The following DNASE2 variants were observed in gnomAD, a reference collection of about 807,000 sequenced individuals.
DNASE2 encodes deoxyribonuclease 2, lysosomal, also known as deoxyribonuclease-2-alpha.
In DNASE2, 26 loss-of-function variants were observed where a neutral mutation model predicts 29.8. The observed-to-expected ratio is 0.87, with a 90% CI of 0.64 to 1.21. The LOEUF is 1.21. DNASE2 is among the 50% of genes most tolerant of loss of function. The pLI is 0.00. For missense variants in DNASE2, 415 were observed against 455.6 expected (o/e 0.91, Z 0.81); for synonymous variants, 186 against 193.5 (o/e 0.96, Z 0.32).
Position 12,881,027 on chromosome 19 carries a change from G to C in DNASE2, c.212C>G (p.Pro71Arg). 1 of 1,613,800 alleles carries C rather than the reference G, an allele frequency of 6.2e-7. No individual in the cohort carries two copies. Among genetic ancestry groups the C allele is most frequent in the Non-Finnish European group, 8.5e-7 (1 of 1,180,002 alleles). The change falls in exon 2 of 6, where the codon CCG becomes CGG. Residue 71 changes from proline to arginine, a missense_variant. Pro to Arg is a moderately radical substitution (Grantham distance 103, BLOSUM62 -2). Coordinates refer to ENST00000222219, the MANE Select transcript of DNASE2 (RefSeq NM_001375.3). ...CAGGCTTCGGCCCACGGCCCCCTCC[G>C]GGCTGTTGATGAGTGCCCTGCCGTC... ...WRDGRALINS[P>R]EGAVGRSLQP...
In DNASE2 at chr19:12,878,653, TC is replaced by T; in HGVS notation, c.511+16del. 6.2e-7 allele frequency: 1 copy of T among 1,613,976 alleles called. No individual in the cohort carries two copies. The highest frequency in any genetic ancestry group is 8.5e-7 in the Non-Finnish European group (1 of 1,179,966). On this transcript the variant is annotated intron_variant, in intron 4 of 5. Transcript: ENST00000222219. ...CAGTAAACCCAGGACTCATCCTGTG[TC>T]CCTGACTCGACTTACCCATCTTCGA... is the stretch of plus-strand genomic sequence containing the variant.
At chr19:12,877,019 C>T (rs920764588) in intron 5 of DNASE2, among the ~76,000 whole-genome samples, 1 of 151,970 alleles carries the variant, frequency 6.6e-6, no homozygotes, top group Non-Finnish European at 1.5e-5. Flanking sequence ...GATGGGGTTC[C>T]ACCATGTTGG....
rs1168262254 is a variant in DNASE2 at position 12,878,717 on chromosome 19, T to G, written c.464A>C (p.Gln155Pro). The G allele has an allele frequency of 6.2e-7, 1 of 1,614,148 alleles. No individual in the cohort carries two copies. The highest frequency in any genetic ancestry group is 8.5e-7 in the Non-Finnish European group (1 of 1,180,024). ...SWPHSACTYG[Q>P]TLLCVSFPFA... ...GGGAAAAGACACACAGAGCAGGGTC[T>G]GCCCGTAGGTACAGGCGCTATGAGG... Residue 155 changes from glutamine to proline, a missense_variant, in exon 4 of 6, where the codon CAG (glutamine) becomes CCG (proline). Physicochemically the swap from Gln to Pro is moderately conservative, Grantham distance 76. Coordinates refer to ENST00000222219, the MANE Select transcript of DNASE2 (RefSeq NM_001375.3).
chr19:12,881,228 TC>T (rs1298387142), intron 1 of DNASE2, 61 bp downstream of exon 1: 3 of 1,608,114 alleles, frequency 1.9e-6, no homozygotes, highest in Non-Finnish European at 2.5e-6. Context: ...GAGGTAGCCA[TC>T]CCGGTTGAGT....
At chr19:12,880,756 A>G in intron 3 of DNASE2, 46 bp downstream of exon 3, 1 of 1,612,324 alleles carries the variant, frequency 6.2e-7, no homozygotes, top group South Asian at 1.1e-5. Context: ...GTTACCTTGG[A>G]AAAATGGGAC....
chr19:12,878,040 C>T (rs1422460147), intron 5 of DNASE2: 2 of 361,654 alleles, frequency 5.5e-6, no homozygotes, highest in South Asian at 4.6e-5. Context: ...GTCTTGGATG[C>T]CTGTCTTCAA....
At chr19:12,876,723 A>G (rs984850989) in intron 5 of DNASE2, among the ~76,000 whole-genome samples, 1 of 151,896 alleles carries the variant, frequency 6.6e-6, no homozygotes, top group Non-Finnish European at 1.5e-5. Flanking sequence ...AAATGCTGGG[A>G]CTACAGGTGT....
At position 12,878,755 on chromosome 19, in the gene DNASE2, A is replaced by T; in HGVS notation, c.426T>A (p.Ala142=). 2 of 1,614,132 alleles carry T rather than the reference A, an allele frequency of 1.2e-6. No homozygotes were observed. The highest frequency in any genetic ancestry group is 1.7e-6 in the Non-Finnish European group (2 of 1,180,018). The stretch of plus-strand genomic sequence containing the variant: ...AGGCGCTATGAGGCCAGCTGTATGC[A>T]GCAGAGGAGGCCGGTGGAGGGAAGT... ...VPNFPPPASS[A]AYSWPHSACT... Residue 142 remains alanine (A), a synonymous_variant, in exon 4 of 6, where the codon GCT becomes GCA. Transcript: ENST00000222219.
At chr19:12,877,171 C>G (rs1970330938) in intron 5 of DNASE2, among the ~76,000 whole-genome samples, 1 of 151,234 alleles carries the variant, frequency 6.6e-6, no homozygotes, top group Non-Finnish European at 1.5e-5. Context: ...GTGACCCACC[C>G]GCCTTGGTCT....
intron 3 of DNASE2, among the ~76,000 whole-genome samples, chr19:12,879,221 C>T (rs1040728264): frequency 2.7e-5 from 4 of 150,674 alleles, no homozygotes; most frequent in African/African-American, 4.9e-5. Context: ...GCAGGCCCCA[C>T]GCAGTGTAAT....
At chr19:12,877,510 G>A (rs1355554608) in intron 5 of DNASE2, among the ~76,000 whole-genome samples, 10 of 152,082 alleles carry the variant, frequency 6.6e-5, no homozygotes, top group Non-Finnish European at 1.5e-4. Flanking sequence ...TTACAGGTGT[G>A]AGCCACTGTG....
At chr19:12,879,197 T>C (rs1007924882) in intron 3 of DNASE2, among the ~76,000 whole-genome samples, 61 of 140,918 alleles carry the variant, frequency 4.3e-4, no homozygotes, top group African/African-American at 1.6e-3. Flanking sequence ...TAAATAAAAA[T>C]TTAAAAAAAG....
intron 5 of DNASE2, among the ~76,000 whole-genome samples, chr19:12,877,779 C>T (rs144725312): frequency 0.011 from 1,619 of 151,768 alleles, 7 homozygotes; most frequent in Non-Finnish European, 0.017. Context: ...CTCCTGAGCT[C>T]GTGATCTGCC....
At position 12,875,691 on chromosome 19, in the gene DNASE2, C is replaced by T; in HGVS notation, c.*299G>A. The T allele has an allele frequency of 3.6e-6, 1 of 278,186 alleles. No individual in the cohort carries two copies. The highest frequency in any genetic ancestry group is 3.3e-5 in the South Asian group (1 of 30,228). 17.2% of individuals were successfully genotyped at this position (278,186 alleles called of 1,614,324 possible). On this transcript the variant is annotated 3_prime_UTR_variant, in exon 6 of 6. Coordinates refer to ENST00000222219, the MANE Select transcript of DNASE2 (RefSeq NM_001375.3). Reference sequence around the variant, plus strand: ...TTACAGATGTGAGCCACTGCACCCACCCGTCCCCCGCCCCCCCTTTTTTTT... The same window carrying T: ...TTACAGATGTGAGCCACTGCACCCATCCGTCCCCCGCCCCCCCTTTTTTTT...
In DNASE2 at chr19:12,880,849, G is replaced by T. The variant is rs1265497136; in HGVS notation, c.299C>A (p.Pro100His). 3.1e-6 allele frequency: 5 copies of T among 1,614,086 alleles called. No homozygotes were observed. The highest frequency in any genetic ancestry group is 4.2e-6 in the Non-Finnish European group (5 of 1,180,046). ...LAFLLYNDQP[P>H]QPSKAQDSSM... is the part of the protein sequence containing the mutation. Reference sequence around the variant, plus strand: ...AGAGTCCTGAGCCTTGCTGGGTTGAGGCGGTTGGTCATTGTAGAGCAGGAA... The same window carrying T: ...AGAGTCCTGAGCCTTGCTGGGTTGATGCGGTTGGTCATTGTAGAGCAGGAA... The change falls in exon 3 of 6, where the codon CCT becomes CAT. Residue 100 changes from proline (P) to histidine (H), a missense_variant. Pro to His is a moderately conservative substitution (Grantham distance 77). Coordinates refer to ENST00000222219, the MANE Select transcript of DNASE2 (RefSeq NM_001375.3).
rs565891293 is a variant in DNASE2, at chr19:12,878,427, C to T, written c.664G>A (p.Gly222Arg). Reference protein sequence around the residue: ...NSSITLTSQAGAVFQSFAKFS... With the variant: ...NSSITLTSQARAVFQSFAKFS... ...TTGGCAAAGCTCTGGAAAACAGCCC[C>T]GGCCTGGGATGTGAGTGTGATGCTG... The change falls in exon 5 of 6, where the codon GGG becomes AGG. Residue 222 changes from glycine (G) to arginine (R), a missense_variant. Coordinates refer to ENST00000222219, the MANE Select transcript of DNASE2 (RefSeq NM_001375.3). 1.2e-4 allele frequency: 196 copies of T among 1,613,418 alleles called. 1 individual carries two copies. In the South Asian group the frequency reaches 1.5e-3, roughly 13 times the overall value.
chr19:12,877,062 C>T (rs1298623140), intron 5 of DNASE2, among the ~76,000 whole-genome samples: 1 of 151,852 alleles, frequency 6.6e-6, no homozygotes, highest in Admixed American at 6.6e-5. Context: ...ACCGTGTAAT[C>T]AGCCAGCGCC....
intron 5 of DNASE2, 161 bp downstream of exon 5, chr19:12,878,221 A>G (rs1466564725): frequency 1.1e-6 from 1 of 873,058 alleles, no homozygotes; most frequent in South Asian, 1.4e-5. Context: ...TATACATCAC[A>G]CAGCAAAACC....
chr19:12,881,295 T>C lies in DNASE2; in HGVS notation c.81A>G (p.Val27=), dbSNP rs1198989393. ...LTCYGDSGQP[V]DWFVVYKLPA... is the part of the protein sequence containing the mutation. ...GCCCCCCGCTGCGCACTCACCAGTCTACAGGCTGCCCGGAGTCCCCGTAGC... is the reference window on the plus strand; with the variant it reads ...GCCCCCCGCTGCGCACTCACCAGTCCACAGGCTGCCCGGAGTCCCCGTAGC... The change falls in exon 1 of 6, where the codon GTA becomes GTG. Residue 27 remains valine (V), a synonymous_variant. Transcript: ENST00000222219. 1.3e-6 allele frequency: 2 copies of C among 1,575,418 alleles called. No homozygotes were observed. Among genetic ancestry groups the C allele is most frequent in the African/African-American group, 1.4e-5 (1 of 73,794 alleles).
Sources: allele counts gnomAD v4.1 joint callset (sites outside exome capture counted in the v4.1 genomes callset), GRCh38; gene constraint gnomAD v4.1.1; transcripts MANE v1.5; gene names NCBI Gene and HGNC (gene_info 2026-07-23, HGNC 2026-07-21).